The following OARD1 variants were observed in gnomAD, a reference collection of about 807,000 sequenced individuals.
The protein encoded by OARD1 is ADP-ribose glycohydrolase OARD1.
A neutral mutation model predicts 19.7 loss-of-function variants in OARD1; 19 were observed. That is an observed-to-expected ratio of 0.96 (90% CI 0.67 to 1.41). The LOEUF is 1.41. OARD1 is among the 40% of genes most tolerant of loss of function. The pLI, the probability that OARD1 is intolerant of heterozygous loss-of-function variation, is 0.00. For synonymous variants in OARD1, 70 were observed against 61.8 expected, an observed-to-expected ratio of 1.13 and a Z score of -0.62; for missense variants, 190 against 183.8, an observed-to-expected ratio of 1.03 and a Z score of -0.20.
At chr6:41,072,781 C>A (rs899121768), upstream of OARD1, among the ~76,000 whole-genome samples, 69 of 152,196 alleles carry the variant, frequency 4.5e-4, no homozygotes, top group African/African-American at 1.6e-3. Flanking sequence ...CTGGAAAGCG[C>A]CTGCGTATTC....
chr6:41,073,244 C>T (rs927142041), upstream of OARD1, among the ~76,000 whole-genome samples: 1 of 151,524 alleles, frequency 6.6e-6, no homozygotes, highest in Non-Finnish European at 1.5e-5. Flanking sequence ...GGCCCGGGGC[C>T]TGCGAGCGCC....
chr6:41,090,457 A>ATTGTTGGTTTC (rs1338331936), intron 1 of OARD1: 3 of 560,384 alleles, frequency 5.4e-6, no homozygotes, highest in Non-Finnish European at 9.8e-6. Flanking sequence ...CTCTCCATTG[A>ATTGTTGGTTTC]TTGTTGGTTT....
chr6:41,088,520 C>T (rs971802575), intron 1 of OARD1, among the ~76,000 whole-genome samples: 1 of 151,998 alleles, frequency 6.6e-6, no homozygotes, highest in Non-Finnish European at 1.5e-5. Context: ...TCTCAAGGCC[C>T]TTATCAAGGT....
At chr6:41,097,459 C>A in intron 1 of OARD1, 1 of 1,586,940 alleles carries the variant, frequency 6.3e-7, no homozygotes, top group East Asian at 2.2e-5. Flanking sequence ...CTCACTGTTC[C>A]AGGAAATTGA....
chr6:41,073,305 C>T (rs1368890411), upstream of OARD1, among the ~76,000 whole-genome samples: 1 of 151,574 alleles, frequency 6.6e-6, no homozygotes, highest in East Asian at 2.0e-4. Flanking sequence ...GCGGGGATGG[C>T]GCCTCGGGGA....
chr6:41,070,601 A>G (rs1461360124), intron 3 of OARD1, among the ~76,000 whole-genome samples: 1 of 152,258 alleles, frequency 6.6e-6, no homozygotes, highest in Non-Finnish European at 1.5e-5. Flanking sequence ...ATCATTCCAA[A>G]TAACTATAAT....
chr6:41,092,942 A>T, intron 1 of OARD1: 1 of 1,613,766 alleles, frequency 6.2e-7, no homozygotes, highest in South Asian at 1.1e-5. Flanking sequence ...TGTGCCTGCT[A>T]TCCAAAGAAT....
At chr6:41,073,152 T>C (rs1041066960), upstream of OARD1, 3 of 152,638 alleles carry the variant, frequency 2.0e-5, no homozygotes, top group Non-Finnish European at 2.9e-5. Context: ...CGGGTCTCGC[T>C]GACCACTCAG....
At chr6:41,078,591 T>C (rs1274286516) in intron 1 of OARD1, among the ~76,000 whole-genome samples, 1 of 152,248 alleles carries the variant, frequency 6.6e-6, no homozygotes, top group Non-Finnish European at 1.5e-5. Context: ...TCTTAAAGTC[T>C]ATGAGAAGGG....
chr6:41,086,671 A>G lies in OARD1; in HGVS notation c.-42+11042T>C, dbSNP rs181549747. 3.8e-3 allele frequency among the ~76,000 whole-genome samples: 582 copies of G among 152,328 alleles called. 11 individuals are homozygous for G. The South Asian group carries it at 0.06, about 16-fold the overall frequency. On this transcript the variant is annotated intron_variant, in intron 1 of 4. Coordinates refer to the OARD1 transcript ENST00000480585. ...TGTCCAGTCTCATGAAAAATTCTGC[A>G]TATAATTTTAGATTAAAATCCTTGG...
chr6:41,073,302 T>TGGCGCCTCGGGGAGCA (rs1302030577), upstream of OARD1, among the ~76,000 whole-genome samples: 1 of 151,184 alleles, frequency 6.6e-6, no homozygotes, highest in East Asian at 2.0e-4. Flanking sequence ...CGCGCGGGGA[T>TGGCGCCTCGGGGAGCA]GGCGCCTCGG....
chr6:41,094,641 A>T, intron 1 of OARD1: 1 of 599,270 alleles, frequency 1.7e-6, no homozygotes, highest in Middle Eastern at 3.6e-4. Flanking sequence ...GTCTCTTTAG[A>T]TTATCTTTTA....
upstream of OARD1, among the ~76,000 whole-genome samples, chr6:41,076,475 G>GCTTA (rs371435772): frequency 2.5e-4 from 38 of 152,300 alleles, no homozygotes; most frequent in African/African-American, 8.9e-4. Flanking sequence ...CTTTTCATAT[G>GCTTA]CTTACACTAG....
chr6:41,084,585 G>GGA (rs1763990622), intron 1 of OARD1, among the ~76,000 whole-genome samples: 1 of 152,216 alleles, frequency 6.6e-6, no homozygotes, highest in African/African-American at 2.4e-5. Flanking sequence ...AATCTAGATT[G>GGA]TTTAAGCAGA....
chr6:41,080,092 G>A (rs1402594661), intron 1 of OARD1, among the ~76,000 whole-genome samples: 1 of 152,166 alleles, frequency 6.6e-6, no homozygotes, highest in East Asian at 1.9e-4. Flanking sequence ...ATTAGTGGAT[G>A]TAAAAATAAG....
In OARD1 at chr6:41,068,996, G is replaced by T. The variant is rs1413093052; in HGVS notation, c.244-43C>A. On this transcript the variant is annotated intron_variant, in intron 4 of 5. Transcript: ENST00000424266. ...AAACTTTCATCATCCCAAAATGATA[G>T]CCAAAGAAAAGTCATCACATTCCCC... 5.4e-6 allele frequency: 6 copies of T among 1,110,014 alleles called. No individual in the cohort carries two copies. The African/African-American group carries it at 9.4e-5, about 17-fold the overall frequency. The allele number at this position is 1,110,014 out of a possible 1,614,324, so 68.8% of individuals were successfully genotyped here. A position where few individuals can be genotyped will look rare whatever the true frequency, so the allele number is the denominator to read the frequency against.
chr6:41,095,161 C>T (rs1472486900), intron 1 of OARD1, among the ~76,000 whole-genome samples: 1 of 152,142 alleles, frequency 6.6e-6, no homozygotes, highest in East Asian at 1.9e-4. Context: ...GCTCAAGCTC[C>T]TTCAACCCCT....
chr6:41,091,869 C>T (rs894151606), intron 1 of OARD1, among the ~76,000 whole-genome samples: 11 of 152,254 alleles, frequency 7.2e-5, no homozygotes, highest in African/African-American at 2.6e-4. Context: ...TGAGCACCTA[C>T]TATGTGCCAG....
chr6:41,077,323 A>C (rs1000686367), upstream of OARD1, among the ~76,000 whole-genome samples: 1 of 152,158 alleles, frequency 6.6e-6, no homozygotes, highest in Non-Finnish European at 1.5e-5. Flanking sequence ...TGCTACCACA[A>C]TGAAGATATA....
Sources: allele counts gnomAD v4.1 joint callset (sites outside exome capture counted in the v4.1 genomes callset), GRCh38; gene constraint gnomAD v4.1.1; transcripts MANE v1.5; gene names NCBI Gene and HGNC (gene_info 2026-07-23, HGNC 2026-07-21).